KRTCAP3: variants seen among roughly 807,000 people sequenced by gnomAD.
The protein encoded by KRTCAP3 is keratinocyte associated protein 3.
KRTCAP3 carries 18 observed loss-of-function variants against 20.5 expected under a neutral mutation model. The observed-to-expected ratio is 0.88, with a 90% CI of 0.61 to 1.31. The LOEUF is 1.31. KRTCAP3 is among the 50% of genes most tolerant of loss of function. The pLI, the probability that KRTCAP3 is intolerant of heterozygous loss-of-function variation, is 0.00. For missense variants in KRTCAP3, 347 were observed against 310.4 expected (o/e 1.12, Z -0.89); for synonymous variants, 167 against 133.7 (o/e 1.25, Z -1.72).
downstream of KRTCAP3, chr2:27,445,509 T>G (rs1414744843): frequency 4.5e-6 from 7 of 1,550,248 alleles, no homozygotes; most frequent in Non-Finnish European, 6.1e-6. The surrounding 1 kb of genome is among the most constrained non-coding windows in gnomAD (Gnocchi z 4.4). Flanking sequence ...CAAGTTGGGG[T>G]GGATGGGTGA....
chr2:27,446,309 T>C (rs1334160300), downstream of KRTCAP3: 1 of 1,614,128 alleles, frequency 6.2e-7, no homozygotes, highest in Non-Finnish European at 8.5e-7. Flanking sequence ...AGGTAGTAGC[T>C]GGGTGTGACG....
Position 27,444,286 on chromosome 2 carries a change from T to C in KRTCAP3, c.*106T>C, listed in dbSNP as rs1664831457. Reference sequence around the variant, plus strand: ...TAACAAATTGTAATAAAGTAACTTCTCTTTTCTTCTACTTGATTATGATTC... The same window carrying C: ...TAACAAATTGTAATAAAGTAACTTCCCTTTTCTTCTACTTGATTATGATTC... On this transcript the variant is annotated 3_prime_UTR_variant, in exon 7 of 7. Transcript: ENST00000288873. 3.0e-6 allele frequency: 2 copies of C among 655,870 alleles called. No individual in the cohort carries two copies. Among genetic ancestry groups the C allele is most frequent in the East Asian group, 2.7e-5 (1 of 36,868 alleles). The allele number at this position is 655,870 out of a possible 1,614,324, so 40.6% of individuals were successfully genotyped here.
At chr2:27,445,178 G>T (rs916432121), downstream of KRTCAP3, 8 of 1,597,874 alleles carry the variant, frequency 5.0e-6, no homozygotes, top group East Asian at 2.2e-5. The surrounding 1 kb of genome is among the most constrained non-coding windows in gnomAD (Gnocchi z 4.4). Flanking sequence ...AGCAGCCTGG[G>T]GGGTAGAAAG....
chr2:27,446,075 C>G, downstream of KRTCAP3: 3 of 1,523,698 alleles, frequency 2.0e-6, no homozygotes, highest in African/African-American at 2.7e-5. Flanking sequence ...TGGGAGTGAG[C>G]AAGCTGGGCT....
downstream of KRTCAP3, chr2:27,445,718 TC>T: frequency 6.2e-7 from 1 of 1,613,172 alleles, no homozygotes; most frequent in Non-Finnish European, 8.5e-7. The surrounding 1 kb of genome is among the most constrained non-coding windows in gnomAD (Gnocchi z 4.4). Context: ...GGTGAGGCCT[TC>T]CGGTTTTCCA....
chr2:27,444,055 A>AG lies in KRTCAP3; in HGVS notation c.*1dup. 2 of 1,597,856 alleles carry AG rather than the reference A, an allele frequency of 1.3e-6. No individual in the cohort carries two copies. Among genetic ancestry groups the AG allele is most frequent in the Non-Finnish European group, 8.6e-7 (1 of 1,165,198 alleles). The change falls in exon 6 of 7, where the codon TAG becomes TAGG. Residue 241 remains the stop codon, a frameshift_variant and stop_retained_variant. Transcript: ENST00000288873. LOFTEE classifies it low-confidence loss of function (END_TRUNC). ...CGGGCATCACAGAGAAGTTGGGTTTAGGACAGGTAATGGGCCTTGAAGGTG... is the reference window on the plus strand; with the variant it reads ...CGGGCATCACAGAGAAGTTGGGTTTAGGGACAGGTAATGGGCCTTGAAGGTG... ...EIRASQRSWV[*]
At chr2:27,445,928 C>T (rs752257485), downstream of KRTCAP3, 5 of 1,614,110 alleles carry the variant, frequency 3.1e-6, no homozygotes, top group African/African-American at 4.0e-5. The surrounding 1 kb of genome is among the most constrained non-coding windows in gnomAD (Gnocchi z 4.4). Context: ...TCCCTACTCA[C>T]ATCGGTCAGG....
chr2:27,445,985 C>T (rs774941853), downstream of KRTCAP3: 8 of 1,614,132 alleles, frequency 5.0e-6, no homozygotes, highest in Admixed American at 1.0e-4. The surrounding 1 kb of genome is among the most constrained non-coding windows in gnomAD (Gnocchi z 4.4). Flanking sequence ...TCCCAGCCAA[C>T]TGCCTGCAGC....
In KRTCAP3 at chr2:27,442,851, G is replaced by A. The variant is rs1317706969; in HGVS notation, c.223G>A (p.Val75Met). 2 of 1,611,938 alleles carry A rather than the reference G, an allele frequency of 1.2e-6. No individual in the cohort carries two copies. Among genetic ancestry groups the A allele is most frequent in the African/African-American group, 1.3e-5 (1 of 74,946 alleles). The change falls in exon 3 of 7, where the codon GTG becomes ATG. Residue 75 changes from valine to methionine, a missense_variant. Transcript: ENST00000288873. ...SVGSGLLSVS[V>M]GLVALLASRN... ...TTTGTGTCTTCCACAGAGCGTTTCC[G>A]TGGGACTTGTGGCCCTCCTGGCGTC...
rs774738287 is a variant in KRTCAP3, at chr2:27,443,122, G to T, written c.322G>T (p.Ala108Ser). 5.0e-6 allele frequency: 8 copies of T among 1,613,928 alleles called. No individual in the cohort carries two copies. The Admixed American group carries it at 6.7e-5, about 13-fold the overall frequency. ...LALVNLLLSV[A>S]CSLGLLLAVS... ...TCTGGTGAACCTGCTCTTGTCCGTTGCCTGCTCCCTGGGCCTCCTTCTTGC... is the reference window on the plus strand; with the variant it reads ...TCTGGTGAACCTGCTCTTGTCCGTTTCCTGCTCCCTGGGCCTCCTTCTTGC... Residue 108 changes from alanine to serine, a missense_variant, in exon 4 of 7, where the codon GCC becomes TCC. By Grantham distance (99) the Ala-to-Ser change is moderately conservative (BLOSUM62 1). Coordinates refer to ENST00000288873, the MANE Select transcript of KRTCAP3 (RefSeq NM_173853.4).
chr2:27,443,342 C>G, intron 4 of KRTCAP3, 56 bp from the exon 5 acceptor site: 3 of 1,613,414 alleles, frequency 1.9e-6, no homozygotes, highest in Non-Finnish European at 2.5e-6. Context: ...TTTAATTTCC[C>G]CTATTTGCTG....
At chr2:27,445,265 A>G, downstream of KRTCAP3, 3 of 1,597,320 alleles carry the variant, frequency 1.9e-6, no homozygotes, top group Non-Finnish European at 1.7e-6. This position sits in a 1 kb window ranked among gnomAD's most constrained non-coding sequence, Gnocchi z 4.4. Context: ...TCTACCCACC[A>G]CAGGATCTGG....
downstream of KRTCAP3, chr2:27,445,024 A>G (rs1264437308): frequency 6.2e-7 from 1 of 1,613,830 alleles, no homozygotes; most frequent in Non-Finnish European, 8.5e-7. This position sits in a 1 kb window ranked among gnomAD's most constrained non-coding sequence, Gnocchi z 4.4. Context: ...CTTGATGGCC[A>G]TAAGGAATTT....
chr2:27,444,363 TAC>T (rs2148462383), downstream of KRTCAP3: 1 of 958,626 alleles, frequency 1.0e-6, no homozygotes, highest in African/African-American at 1.6e-5. Flanking sequence ...GATCAAAGAA[TAC>T]AGTGGTCTCA....
At chr2:27,445,686 C>T, downstream of KRTCAP3, 4 of 1,579,910 alleles carry the variant, frequency 2.5e-6, no homozygotes, top group South Asian at 2.2e-5. This position sits in a 1 kb window ranked among gnomAD's most constrained non-coding sequence, Gnocchi z 4.4. Flanking sequence ...AAGATATTCT[C>T]CCTCCTCAAG....
chr2:27,444,224 T>G lies in KRTCAP3; in HGVS notation c.*44T>G. On this transcript the variant is annotated 3_prime_UTR_variant, in exon 7 of 7. Transcript: ENST00000288873. ...GAGACTCAGTCCTAAAGGGTTTTTT[T>G]TCCCACTAAGCAAGGGGCCCTGACC... 1.5e-6 allele frequency: 1 copy of G among 655,510 alleles called. No individual in the cohort carries two copies. Among genetic ancestry groups the G allele is most frequent in the Non-Finnish European group, 2.7e-6 (1 of 371,952 alleles). 40.6% of individuals were successfully genotyped at this position (655,510 alleles called of 1,614,324 possible).
rs1196973349 is a variant in KRTCAP3 at position 27,444,225 on chromosome 2, T to C, written c.*45T>C. On this transcript the variant is annotated 3_prime_UTR_variant, in exon 7 of 7. Coordinates refer to ENST00000288873, the MANE Select transcript of KRTCAP3 (RefSeq NM_173853.4). ...AGACTCAGTCCTAAAGGGTTTTTTT[T>C]CCCACTAAGCAAGGGGCCCTGACCT... The C allele has an allele frequency of 4.1e-5, 27 of 654,258 alleles. No homozygotes were observed. Among genetic ancestry groups the C allele is most frequent in the Middle Eastern group, 4.0e-4 (1 of 2,512 alleles). 40.5% of individuals were successfully genotyped at this position (654,258 alleles called of 1,614,324 possible).
At chr2:27,445,380 G>A (rs1664971075), downstream of KRTCAP3, 3 of 1,612,912 alleles carry the variant, frequency 1.9e-6, no homozygotes, top group African/African-American at 2.7e-5. This position sits in a 1 kb window ranked among gnomAD's most constrained non-coding sequence, Gnocchi z 4.4. Flanking sequence ...TCCCGAGGCA[G>A]AACCTGCTCC....
chr2:27,443,801 G>A (rs1010832019), intron 5 of KRTCAP3, 148 bp from the exon 6 acceptor site: 5 of 630,008 alleles, frequency 7.9e-6, no homozygotes, highest in East Asian at 2.8e-5. Flanking sequence ...GCTTGAACCC[G>A]GAAGGCGGAG....
Sources: allele counts gnomAD v4.1 joint callset, GRCh38; gene constraint gnomAD v4.1.1; non-coding constraint Gnocchi (gnomAD v3.1); transcripts MANE v1.5; gene names NCBI Gene and HGNC (gene_info 2026-07-23, HGNC 2026-07-21).